The following KLF9 variants were observed in gnomAD, a reference collection of about 807,000 sequenced individuals.
The protein encoded by KLF9 is Krueppel-like factor 9.
A neutral mutation model predicts 17.3 loss-of-function variants in KLF9; 2 were observed. That is an observed-to-expected ratio of 0.12 (90% confidence interval 0.05 to 0.36). The LOEUF is 0.36. Ranked by LOEUF, KLF9 falls within the 10% of genes least tolerant of loss-of-function variation. The probability of loss-of-function intolerance (pLI) is 1.00; values close to 1 mark genes in which losing one functional copy is unlikely to be tolerated. For synonymous variants in KLF9, 138 were observed against 139.2 expected, an observed-to-expected ratio of 0.99 and a Z score of 0.06; for missense variants, 226 against 333.2, an observed-to-expected ratio of 0.68 and a Z score of 2.51.
In KLF9 at chr9:70,385,702, C is replaced by G. The variant is rs924162191; in HGVS notation, c.*2074G>C. ...ATGAGCTCAGTGAGAAATAGGCAGC[C>G]TAACCTATTTCGTATGGAAGAACAG... On this transcript the variant is annotated 3_prime_UTR_variant, in exon 2 of 2. Transcript: ENST00000377126. 6.6e-6 allele frequency: 1 copy of G among 152,566 alleles called. No individual in the cohort carries two copies. Among genetic ancestry groups the G allele is most frequent in the African/African-American group, 2.4e-5 (1 of 41,418 alleles). The allele number at this position is 152,566 out of a possible 1,614,324, so 9.5% of individuals were successfully genotyped here.
rs10283439 is a variant in KLF9, at chr9:70,409,015, C to T, written c.505+3844G>A. Among the ~76,000 whole-genome samples, 218 of 88,548 alleles carry T rather than the reference C, an allele frequency of 2.5e-3. 1 individual carries two copies. Among genetic ancestry groups the T allele is most frequent in the African/African-American group, 8.8e-3 (199 of 22,508 alleles). 58.1% of individuals were successfully genotyped at this position (88,548 alleles called of 152,430 possible). A position where few individuals can be genotyped will look rare whatever the true frequency, so the allele number is the denominator to read the frequency against. ...ATATATATGTGTATATATATATACA[C>T]ATATATGTATATATATATATGTGTA... On this transcript the variant is annotated intron_variant, in intron 1 of 1. Transcript: ENST00000377126.
chr9:70,412,380 C>T (rs1215476588), intron 1 of KLF9, among the ~76,000 whole-genome samples: 3 of 152,088 alleles, frequency 2.0e-5, no homozygotes, highest in Non-Finnish European at 4.4e-5. Flanking sequence ...AGCAGGCATC[C>T]AGTTAAATGA....
intron 1 of KLF9, among the ~76,000 whole-genome samples, chr9:70,391,108 AG>A (rs1310697565): frequency 6.6e-6 from 1 of 151,930 alleles, no homozygotes; most frequent in African/African-American, 2.4e-5. Flanking sequence ...TCATGAGAGG[AG>A]GGGGTTCATT....
chr9:70,406,477 A>G (rs2037256097), intron 1 of KLF9, among the ~76,000 whole-genome samples: 1 of 152,120 alleles, frequency 6.6e-6, no homozygotes, highest in African/African-American at 2.4e-5. Flanking sequence ...GTCACTTCCA[A>G]CCTCCAAGTG....
At chr9:70,394,024 C>A (rs1176358292) in intron 1 of KLF9, among the ~76,000 whole-genome samples, 68 of 80,480 alleles carry the variant, frequency 8.4e-4, no homozygotes, top group African/African-American at 2.1e-3. Flanking sequence ...GACCCTGTCT[C>A]AAAAAAAAAA....
intron 1 of KLF9, among the ~76,000 whole-genome samples, chr9:70,409,198 ATG>A (rs1201368247): frequency 1.7e-4 from 9 of 51,504 alleles, no homozygotes; most frequent in African/African-American, 2.7e-4. Flanking sequence ...ATACATGTAT[ATG>A]TATATATATA....
chr9:70,409,013 CACATATATGTATATAT>C (rs1437575551), intron 1 of KLF9, among the ~76,000 whole-genome samples: 6 of 35,862 alleles, frequency 1.7e-4, no homozygotes, highest in East Asian at 1.2e-3. Context: ...TATATATATA[CACATATATGTATATAT>C]ATATATGTGT....
chr9:70,402,610 G>C (rs1456055904), intron 1 of KLF9, among the ~76,000 whole-genome samples: 5 of 152,054 alleles, frequency 3.3e-5, no homozygotes, highest in Admixed American at 3.3e-4. Context: ...TTGGCTTCTA[G>C]AACATCCACT....
chr9:70,392,430 G>C (rs1025418064), intron 1 of KLF9, among the ~76,000 whole-genome samples: 2 of 152,076 alleles, frequency 1.3e-5, no homozygotes, highest in African/African-American at 4.8e-5. Context: ...TTCTGCTTAG[G>C]GACCTACAAT....
intron 1 of KLF9, among the ~76,000 whole-genome samples, chr9:70,397,437 T>C (rs1231125397): frequency 1.3e-5 from 2 of 151,578 alleles, no homozygotes; most frequent in Non-Finnish European, 2.9e-5. Flanking sequence ...ATTGCACCAC[T>C]GCACTCCAGC....
At position 70,387,830 on chromosome 9, in the gene KLF9, C is replaced by G. The variant is rs2118904941; in HGVS notation, c.681G>C (p.Glu227Asp). The G allele has an allele frequency of 1.2e-6, 2 of 1,614,118 alleles. No individual in the cohort carries two copies. Among genetic ancestry groups the G allele is most frequent in the East Asian group, 4.5e-5 (2 of 44,856 alleles). ...HLTKHARRHTEFHPSMIKRSK... is the reference protein window; with the variant it reads ...HLTKHARRHTDFHPSMIKRSK... The stretch of plus-strand genomic sequence containing the variant: ...ATCGCTTGATCATGCTGGGGTGGAA[C>G]TCGGTGTGCCGCCGGGCGTGCTTTG... Residue 227 changes from glutamate (E) to aspartate (D), a missense_variant, in exon 2 of 2, where the codon GAG becomes GAC. By Grantham distance (45) the Glu-to-Asp change is conservative. Coordinates refer to ENST00000377126, the MANE Select transcript of KLF9 (RefSeq NM_001206.4).
At chr9:70,409,194 GTATA>G (rs377403889) in intron 1 of KLF9, among the ~76,000 whole-genome samples, 11,546 of 69,736 alleles carry the variant, frequency 0.17, 2,098 homozygotes, top group Non-Finnish European at 0.25. Flanking sequence ...ACATATACAT[GTATA>G]TGTATATATA....
At position 70,387,668 on chromosome 9, in the gene KLF9, G is replaced by C. The variant is rs2037123216; in HGVS notation, c.*108C>G. On this transcript the variant is annotated 3_prime_UTR_variant, in exon 2 of 2. Coordinates refer to ENST00000377126, the MANE Select transcript of KLF9 (RefSeq NM_001206.4). ...ATTGACCAAAGAGCAGTGACTTCCT[G>C]TGCCGTCAAGTGTGCCTCTTCTGGG... The C allele has an allele frequency of 1.2e-6, 1 of 868,810 alleles. No homozygotes were observed. Among genetic ancestry groups the C allele is most frequent in the South Asian group, 1.5e-5 (1 of 67,068 alleles). The allele number at this position is 868,810 out of a possible 1,614,324, so 53.8% of individuals were successfully genotyped here. A position where few individuals can be genotyped will look rare whatever the true frequency, so the allele number is the denominator to read the frequency against.
At chr9:70,405,717 C>T (rs185034616) in intron 1 of KLF9, among the ~76,000 whole-genome samples, 6 of 152,108 alleles carry the variant, frequency 3.9e-5, no homozygotes, top group Admixed American at 6.5e-5. Flanking sequence ...GCTTTGGACA[C>T]ACATGGCAAT....
intron 1 of KLF9, 71 bp from the exon 2 acceptor site, chr9:70,388,076 A>G: frequency 8.5e-7 from 1 of 1,182,946 alleles, no homozygotes; most frequent in Non-Finnish European, 1.2e-6. Context: ...GGTCATGGTC[A>G]ATAGTCCCTA....
At chr9:70,403,255 A>G (rs534957977) in intron 1 of KLF9, among the ~76,000 whole-genome samples, 2 of 152,332 alleles carry the variant, frequency 1.3e-5, no homozygotes, top group African/African-American at 4.8e-5. Flanking sequence ...AATAAATAAC[A>G]CATTAAATTT....
chr9:70,387,918 G>C lies in KLF9; in HGVS notation c.593C>G (p.Thr198Ser). 1 of 1,614,168 alleles carries C rather than the reference G, an allele frequency of 6.2e-7. No homozygotes were observed. Among genetic ancestry groups the C allele is most frequent in the Non-Finnish European group, 8.5e-7 (1 of 1,180,036 alleles). ...DELTRHYRTH[T>S]GEKQFRCPLC... is the part of the protein sequence containing the mutation. ...CGGACAGCGGAACTGCTTTTCCCCAGTGTGGGTCCGGTAGTGGCGGGTCAG... is the reference window on the plus strand; with the variant it reads ...CGGACAGCGGAACTGCTTTTCCCCACTGTGGGTCCGGTAGTGGCGGGTCAG... Residue 198 changes from threonine (T) to serine (S), a missense_variant, in exon 2 of 2, where the codon ACT (threonine) becomes AGT (serine). Transcript: ENST00000377126.
At position 70,386,766 on chromosome 9, in the gene KLF9, T is replaced by A. The variant is rs1315652580; in HGVS notation, c.*1010A>T. ...TTTGGAAAAGTTAATAGAGTTAAAA[T>A]TCTGTTGGTTCTTTTCTTTTTCTTT... On this transcript the variant is annotated 3_prime_UTR_variant, in exon 2 of 2. Transcript: ENST00000377126. 4 of 152,326 alleles carry A rather than the reference T, an allele frequency of 2.6e-5. No individual in the cohort carries two copies. The highest frequency in any genetic ancestry group is 9.7e-5 in the African/African-American group (4 of 41,444). 9.4% of individuals were successfully genotyped at this position (152,326 alleles called of 1,614,324 possible). A position where few individuals can be genotyped will look rare whatever the true frequency, so the allele number is the denominator to read the frequency against.
At chr9:70,407,281 A>T (rs1378919254) in intron 1 of KLF9, among the ~76,000 whole-genome samples, 1 of 152,220 alleles carries the variant, frequency 6.6e-6, no homozygotes, top group African/African-American at 2.4e-5. Context: ...CCTCATGTTC[A>T]GAATCCAAGA....
Sources: gnomAD v4.1 joint callset for allele counts (sites outside exome capture counted in the v4.1 genomes callset) on GRCh38, gnomAD v4.1.1 for gene constraint, MANE v1.5 for transcripts, NCBI Gene and HGNC (gene_info 2026-07-23, HGNC 2026-07-21) for gene names.